PPP1R1C: variants seen among roughly 807,000 people sequenced by gnomAD.
The protein encoded by PPP1R1C is protein phosphatase 1 regulatory subunit 1C.
PPP1R1C carries 15 observed loss-of-function variants against 17.4 expected under a neutral mutation model. The ratio of observed to expected loss-of-function variants is 0.86; its 90% CI spans 0.58 to 1.33. The LOEUF (loss-of-function observed/expected upper bound fraction) is 1.33. Among genes scored for constraint, PPP1R1C ranks in the 40% most tolerant of loss-of-function variants. The probability of loss-of-function intolerance (pLI) is 0.00; values close to 1 mark genes in which losing one functional copy is unlikely to be tolerated. For missense variants in PPP1R1C, 143 were observed against 130.0 expected, an observed-to-expected ratio of 1.10 and a Z score of -0.48; for synonymous variants, 35 against 43.1, an observed-to-expected ratio of 0.81 and a Z score of 0.73.
intron 4 of PPP1R1C, among the ~76,000 whole-genome samples, chr2:182,089,230 G>A (rs1688714602): frequency 2.0e-5 from 3 of 152,182 alleles, no homozygotes; most frequent in Admixed American, 2.0e-4. Context: ...ATAACTAAAT[G>A]CTGCCACTGA....
At chr2:182,035,696 A>G (rs1429454416) in intron 2 of PPP1R1C, among the ~76,000 whole-genome samples, 1 of 152,056 alleles carries the variant, frequency 6.6e-6, no homozygotes, top group African/African-American at 2.4e-5. Context: ...GTGAAGATGC[A>G]CTTGCTACCC....
At chr2:182,120,451 G>T (rs530922245), downstream of PPP1R1C, among the ~76,000 whole-genome samples, 1 of 152,190 alleles carries the variant, frequency 6.6e-6, no homozygotes, top group African/African-American at 2.4e-5. Flanking sequence ...TCAAATAGAT[G>T]CAATAAAAAA....
At position 182,097,270 on chromosome 2, in the gene PPP1R1C, T is replaced by A. The variant is rs528642704; in HGVS notation, c.242-19937T>A. ...CTAGTCCTCGAGTGGTAGTTTTCAT[T>A]AATGTACTTGAAATATTTACCTGCC... is the stretch of plus-strand genomic sequence containing the variant. On this transcript the variant is annotated intron_variant, in intron 4 of 4. Transcript: ENST00000682840. Among the ~76,000 whole-genome samples the A allele has an allele frequency of 1.2e-3, 181 of 152,338 alleles. 1 individual carries two copies. Among genetic ancestry groups the A allele is most frequent in the Middle Eastern group, 3.4e-3 (1 of 294 alleles).
intron 2 of PPP1R1C, among the ~76,000 whole-genome samples, chr2:182,040,957 T>C (rs1687164606): frequency 1.3e-5 from 2 of 152,178 alleles, no homozygotes; most frequent in African/African-American, 4.8e-5. Flanking sequence ...GATTATTTAG[T>C]TGTAAGTAAC....
At chr2:182,077,434 T>A (rs1688346173) in intron 4 of PPP1R1C, among the ~76,000 whole-genome samples, 1 of 152,188 alleles carries the variant, frequency 6.6e-6, no homozygotes, top group South Asian at 2.1e-4. Flanking sequence ...TAAGATTAAT[T>A]AATTGTTGAA....
At chr2:182,027,487 G>C (rs1431670021) in intron 2 of PPP1R1C, among the ~76,000 whole-genome samples, 29 of 38,610 alleles carry the variant, frequency 7.5e-4, no homozygotes, top group African/African-American at 3.0e-3. Context: ...TTTTGTCTTT[G>C]GCTCTGTTTA....
intron 2 of PPP1R1C, among the ~76,000 whole-genome samples, chr2:182,025,677 A>C (rs1198883462): frequency 3.1e-5 from 4 of 130,082 alleles, no homozygotes; most frequent in Non-Finnish European, 4.8e-5. Flanking sequence ...ATACGTGTGC[A>C]TGTGTCTTTA....
chr2:182,065,904 A>T (rs1687969936), intron 4 of PPP1R1C, among the ~76,000 whole-genome samples: 1 of 152,110 alleles, frequency 6.6e-6, no homozygotes, highest in Non-Finnish European at 1.5e-5. Context: ...GATGTCAGTT[A>T]TACCTGTTAT....
chr2:182,067,626 T>G (rs1688023475), intron 4 of PPP1R1C, among the ~76,000 whole-genome samples: 1 of 152,120 alleles, frequency 6.6e-6, no homozygotes, highest in Non-Finnish European at 1.5e-5. Context: ...TGCCACCACT[T>G]ATTAGCTGTG....
chr2:182,083,231 A>T (rs1442038003), intron 4 of PPP1R1C, among the ~76,000 whole-genome samples: 3 of 152,216 alleles, frequency 2.0e-5, no homozygotes, highest in African/African-American at 7.2e-5. Context: ...AATTAGGTTG[A>T]AAGTGAATTT....
intron 2 of PPP1R1C, among the ~76,000 whole-genome samples, chr2:182,007,850 C>G (rs1429953458): frequency 1.3e-5 from 2 of 152,136 alleles, no homozygotes; most frequent in African/African-American, 4.8e-5. Context: ...ATCACGAGGT[C>G]AGGAGATCGA....
At chr2:181,980,917 A>G (rs1685180588), upstream of PPP1R1C, among the ~76,000 whole-genome samples, 1 of 151,844 alleles carries the variant, frequency 6.6e-6, no homozygotes, top group Non-Finnish European at 1.5e-5. Flanking sequence ...CACAAAACAA[A>G]TAAGGAGAAG....
intron 4 of PPP1R1C, among the ~76,000 whole-genome samples, chr2:182,078,004 C>G (rs1399614309): frequency 6.6e-6 from 1 of 152,016 alleles, no homozygotes; most frequent in African/African-American, 2.4e-5. Flanking sequence ...TGGTAAAACC[C>G]CTATCTCTAC....
intron 1 of PPP1R1C, among the ~76,000 whole-genome samples, chr2:181,960,245 A>G (rs771409362): frequency 2.6e-5 from 4 of 152,212 alleles, no homozygotes; most frequent in Non-Finnish European, 4.4e-5. Context: ...GAGGGAAAGA[A>G]GATCTGCTTA....
intron 4 of PPP1R1C, among the ~76,000 whole-genome samples, chr2:182,094,726 TA>T (rs1199076578): frequency 6.6e-6 from 1 of 152,132 alleles, no homozygotes; most frequent in African/African-American, 2.4e-5. Flanking sequence ...TGCAGATGTG[TA>T]AAAAATCAGA....
intron 2 of PPP1R1C, among the ~76,000 whole-genome samples, chr2:182,001,753 A>T (rs1219244080): frequency 6.6e-6 from 1 of 152,158 alleles, no homozygotes. Flanking sequence ...TTAAAATCAT[A>T]CAACTTCACT....
At chr2:182,065,317 A>T (rs1048079792) in intron 4 of PPP1R1C, among the ~76,000 whole-genome samples, 4 of 152,170 alleles carry the variant, frequency 2.6e-5, no homozygotes, top group Non-Finnish European at 5.9e-5. Flanking sequence ...ATAAAAGAAA[A>T]GAGAAAGCTA....
At chr2:182,061,318 A>C (rs966850809) in intron 2 of PPP1R1C, 124 bp from the exon 3 acceptor site, 7 of 666,196 alleles carry the variant, frequency 1.1e-5, no homozygotes, top group Non-Finnish European at 1.7e-5. Context: ...TCTTAGCTGT[A>C]AGTTGTAGTT....
chr2:181,985,446 G>A (rs1685272682), upstream of PPP1R1C, among the ~76,000 whole-genome samples: 1 of 152,132 alleles, frequency 6.6e-6, no homozygotes, highest in Non-Finnish European at 1.5e-5. This position sits in a 1 kb window ranked among gnomAD's most constrained non-coding sequence, Gnocchi z 4.1. Context: ...CAGATGCTCT[G>A]CCTCCTAGGA....
Sources: allele counts gnomAD v4.1 joint callset (sites outside exome capture counted in the v4.1 genomes callset), GRCh38; gene constraint gnomAD v4.1.1; non-coding constraint Gnocchi (gnomAD v3.1); transcripts MANE v1.5; gene names NCBI Gene and HGNC (gene_info 2026-07-23, HGNC 2026-07-21).